SLC35E2B: variants seen among roughly 807,000 people sequenced by gnomAD.
SLC35E2B encodes solute carrier family 35 member E2B, also known as solute carrier family 35, member E2B.
Under a neutral mutation model 32.4 loss-of-function variants are expected in SLC35E2B, and 18 were observed. The ratio of observed to expected loss-of-function variants is 0.56; its 90% CI spans 0.38 to 0.82. SLC35E2B has a LOEUF of 0.82. Ranked by LOEUF, SLC35E2B falls within the 40% of genes least tolerant of loss-of-function variation. The pLI is 0.00. For synonymous variants in SLC35E2B, 132 were observed against 209.1 expected, an observed-to-expected ratio of 0.63 and a Z score of 3.18; for missense variants, 263 against 469.5, an observed-to-expected ratio of 0.56 and a Z score of 4.06.
In SLC35E2B at chr1:1,665,559, C is replaced by T; in HGVS notation, c.*223G>A. Reference sequence around the variant, plus strand: ...ATTACACGGGGATGGGCTCGGCGGACACAGTCAGCTACTGGTCTGGTCTCT... The same window carrying T: ...ATTACACGGGGATGGGCTCGGCGGATACAGTCAGCTACTGGTCTGGTCTCT... On this transcript the variant is annotated 3_prime_UTR_variant, in exon 10 of 10. Transcript: ENST00000617444. The T allele has an allele frequency of 5.9e-6, 4 of 678,530 alleles. No individual in the cohort carries two copies. The highest frequency in any genetic ancestry group is 9.7e-6 in the Non-Finnish European group (4 of 412,632). 42.0% of individuals were successfully genotyped at this position (678,530 alleles called of 1,614,324 possible).
At chr1:1,676,003 CGA>C in intron 4 of SLC35E2B, 59 bp downstream of exon 4, 1 of 955,904 alleles carries the variant, frequency 1.0e-6, no homozygotes, top group South Asian at 1.4e-5. Flanking sequence ...GCTCTAGTAA[CGA>C]GAGGGACTTT....
intron 9 of SLC35E2B, among the ~76,000 whole-genome samples, chr1:1,666,743 G>C (rs1643556113): frequency 6.6e-6 from 1 of 151,354 alleles, no homozygotes; most frequent in African/African-American, 2.4e-5. Flanking sequence ...TGGGAGGCTG[G>C]GCGTGGGGGC....
intron 5 of SLC35E2B, chr1:1,674,430 C>T (rs2101102132): frequency 6.6e-6 from 1 of 152,188 alleles, no homozygotes; most frequent in African/African-American, 2.4e-5. Context: ...AACGTATATT[C>T]ACAGTGAAAA....
intron 5 of SLC35E2B, chr1:1,673,412 G>A: frequency 2.7e-6 from 1 of 372,126 alleles, no homozygotes; most frequent in Non-Finnish European, 5.4e-6. Flanking sequence ...GCTCACGCCT[G>A]GAATCCCAGC....
chr1:1,683,631 T>C (rs1280567202), intron 2 of SLC35E2B, among the ~76,000 whole-genome samples: 1 of 152,042 alleles, frequency 6.6e-6, no homozygotes, highest in Non-Finnish European at 1.5e-5. Flanking sequence ...GCTGCGTCCC[T>C]GAGGTTGGCG....
intron 2 of SLC35E2B, among the ~76,000 whole-genome samples, chr1:1,679,617 A>G (rs1015584316): frequency 8.6e-5 from 13 of 151,294 alleles, no homozygotes; most frequent in Non-Finnish European, 1.8e-4. Context: ...ACCTGAGCTC[A>G]GGAGTTCATG....
chr1:1,672,317 C>T (rs1643715721), intron 5 of SLC35E2B: 1 of 152,208 alleles, frequency 6.6e-6, no homozygotes, highest in African/African-American at 2.4e-5. Context: ...CACTGCGCTC[C>T]AGCCTGGACG....
Position 1,664,824 on chromosome 1 carries a change from T to G in SLC35E2B, c.*958A>C. 3 of 905,666 alleles carry G rather than the reference T, an allele frequency of 3.3e-6. No homozygotes were observed. The allele number at this position is 905,666 out of a possible 1,614,324, so 56.1% of individuals were successfully genotyped here. On this transcript the variant is annotated 3_prime_UTR_variant, in exon 10 of 10. Transcript: ENST00000617444. The stretch of plus-strand genomic sequence containing the variant: ...AACACTGCAGCGTCCTGCCCAAGGC[T>G]CACGTGGGGAACCGGACAGGTGCTA...
chr1:1,686,327 T>TCC (rs1643950682), intron 2 of SLC35E2B, among the ~76,000 whole-genome samples: 2 of 141,266 alleles, frequency 1.4e-5, no homozygotes, highest in Admixed American at 6.9e-5. Context: ...TTTTCTTTTT[T>TCC]TTTTTTTTTT....
intron 2 of SLC35E2B, among the ~76,000 whole-genome samples, chr1:1,677,605 G>A (rs1399008893): frequency 1.3e-5 from 2 of 151,496 alleles, no homozygotes; most frequent in Non-Finnish European, 2.9e-5. Context: ...AGGCTCCCGA[G>A]TAGCTGGGAC....
rs1278507509 is a variant in SLC35E2B at position 1,662,902 on chromosome 1, T to C, written c.*2880A>G. On this transcript the variant is annotated 3_prime_UTR_variant, in exon 10 of 10. Coordinates refer to ENST00000617444, the MANE Select transcript of SLC35E2B (RefSeq NM_001290264.2). Reference sequence around the variant, plus strand: ...CTGTGACAGTTCAACAAGAACTTACTATTCCAGAAAAGTATTACACAAAGT... The same window carrying C: ...CTGTGACAGTTCAACAAGAACTTACCATTCCAGAAAAGTATTACACAAAGT... 2 of 806,384 alleles carry C rather than the reference T, an allele frequency of 2.5e-6. 1 individual carries two copies. The highest frequency in any genetic ancestry group is 3.0e-6 in the Non-Finnish European group (2 of 663,214). The allele number at this position is 806,384 out of a possible 1,614,324, so 50.0% of individuals were successfully genotyped here. A position where few individuals can be genotyped will look rare whatever the true frequency, so the allele number is the denominator to read the frequency against.
intron 2 of SLC35E2B, among the ~76,000 whole-genome samples, chr1:1,684,647 G>A (rs1392600025): frequency 6.6e-6 from 1 of 151,918 alleles, no homozygotes; most frequent in Non-Finnish European, 1.5e-5. Flanking sequence ...AAAATTAGCT[G>A]GGCGTGGTGG....
intron 2 of SLC35E2B, among the ~76,000 whole-genome samples, chr1:1,690,283 A>G (rs940500895): frequency 2.7e-5 from 3 of 110,882 alleles, no homozygotes; most frequent in African/African-American, 9.7e-5. Flanking sequence ...TCTGTCTCAA[A>G]AAAAAAAAAA....
chr1:1,670,336 G>C, intron 6 of SLC35E2B, 185 bp from the exon 7 acceptor site: 1 of 541,342 alleles, frequency 1.8e-6, no homozygotes, highest in Non-Finnish European at 3.3e-6. Flanking sequence ...TGGCCAGGCT[G>C]GTCTCCAACT....
rs553988490 is a variant in SLC35E2B at position 1,663,748 on chromosome 1, C to T, written c.*2034G>A. The T allele has an allele frequency of 4.3e-6, 3 of 691,534 alleles. No individual in the cohort carries two copies. Among genetic ancestry groups the T allele is most frequent in the South Asian group, 5.8e-5 (1 of 17,302 alleles). The allele number at this position is 691,534 out of a possible 1,614,324, so 42.8% of individuals were successfully genotyped here. A position where few individuals can be genotyped will look rare whatever the true frequency, so the allele number is the denominator to read the frequency against. On this transcript the variant is annotated 3_prime_UTR_variant, in exon 10 of 10. Coordinates refer to ENST00000617444, the MANE Select transcript of SLC35E2B (RefSeq NM_001290264.2). ...CCTCCCAAAGTGCTGCGATTAGAGG[C>T]GTGAGCCACCGCACCCAGTCTTCTA...
chr1:1,690,471 G>A (rs1644006082), intron 2 of SLC35E2B, among the ~76,000 whole-genome samples: 1 of 147,516 alleles, frequency 6.8e-6, no homozygotes, highest in Admixed American at 6.8e-5. Context: ...GGGCATGGTG[G>A]CTCATGCTTG....
At chr1:1,684,000 G>C (rs1420066487) in intron 2 of SLC35E2B, among the ~76,000 whole-genome samples, 1 of 152,140 alleles carries the variant, frequency 6.6e-6, no homozygotes, top group Non-Finnish European at 1.5e-5. Flanking sequence ...AGCGGCGGTG[G>C]CCCACACCTA....
At chr1:1,668,238 C>T (rs1176010712) in intron 9 of SLC35E2B, 89 bp downstream of exon 9, 12 of 1,492,550 alleles carry the variant, frequency 8.0e-6, no homozygotes, top group Admixed American at 2.0e-5. Flanking sequence ...AAGAGAATCA[C>T]ATGTGTCCCT....
intron 2 of SLC35E2B, among the ~76,000 whole-genome samples, chr1:1,690,634 G>C (rs1431738898): frequency 7.4e-5 from 9 of 120,928 alleles, no homozygotes; most frequent in Admixed American, 7.2e-4. Flanking sequence ...AGCCACGCAG[G>C]AGGCTGAGGC....
Sources: gnomAD v4.1 joint callset for allele counts (sites outside exome capture counted in the v4.1 genomes callset) on GRCh38, gnomAD v4.1.1 for gene constraint, MANE v1.5 for transcripts, NCBI Gene and HGNC (gene_info 2026-07-23, HGNC 2026-07-21) for gene names.